Variants in BCKDHB observed in about 807,000 individuals in gnomAD.
BCKDHB encodes the protein branched chain keto acid dehydrogenase E1 subunit beta, also known as 2-oxoisovalerate dehydrogenase subunit beta, mitochondrial.
A neutral mutation model predicts 48.5 loss-of-function variants in BCKDHB; 41 were observed. The observed-to-expected ratio is 0.85, with a 90% CI of 0.66 to 1.10. The LOEUF is 1.10. Among genes scored for constraint, BCKDHB ranks in the 50% least tolerant of loss-of-function variants. The pLI is 0.00. For synonymous variants in BCKDHB, 201 were observed against 174.8 expected, an observed-to-expected ratio of 1.15 and a Z score of -1.18; for missense variants, 496 against 494.2, an observed-to-expected ratio of 1.00 and a Z score of -0.03.
chr6:80,370,816 ATATG>A, the BCKDHB span, among the ~76,000 whole-genome samples: 56 of 125,480 alleles, frequency 4.5e-4, no homozygotes, highest in African/African-American at 1.4e-3. Context: ...GTGTATATAT[ATATG>A]TGTGTGTGTG....
intron 9 of BCKDHB, among the ~76,000 whole-genome samples, chr6:80,313,492 C>G (rs1422240856): frequency 6.6e-6 from 1 of 152,118 alleles, no homozygotes; most frequent in African/African-American, 2.4e-5. Context: ...TCCCGAGTAG[C>G]TGGGATTACA....
intron 1 of BCKDHB, among the ~76,000 whole-genome samples, chr6:80,126,584 G>A (rs894908581): frequency 6.6e-6 from 1 of 152,128 alleles, no homozygotes; most frequent in South Asian, 2.1e-4. Flanking sequence ...GGGTTAAGGC[G>A]ACTACCAGCG....
At chr6:80,419,116 T>C in the BCKDHB span, among the ~76,000 whole-genome samples, 4 of 152,004 alleles carry the variant, frequency 2.6e-5, no homozygotes, top group East Asian at 1.9e-4. Flanking sequence ...TGGAGATCAT[T>C]TGGGGGAGGT....
chr6:80,361,892 A>T, the BCKDHB span, among the ~76,000 whole-genome samples: 2 of 152,214 alleles, frequency 1.3e-5, no homozygotes, highest in Admixed American at 6.5e-5. Flanking sequence ...GAGAAAGAAC[A>T]CGCATGGGAG....
At chr6:80,392,453 CTT>C in the BCKDHB span, among the ~76,000 whole-genome samples, 2 of 151,582 alleles carry the variant, frequency 1.3e-5, no homozygotes, top group Non-Finnish European at 2.9e-5. Flanking sequence ...TATTTTTTCT[CTT>C]ATTATTTTCA....
At chr6:80,463,525 A>G in the BCKDHB span, among the ~76,000 whole-genome samples, 13 of 152,200 alleles carry the variant, frequency 8.5e-5, no homozygotes, top group African/African-American at 3.1e-4. Context: ...TTTAAAAGAT[A>G]GAGAAATGCC....
chr6:80,176,250 A>C (rs1369201362), intron 6 of BCKDHB, among the ~76,000 whole-genome samples: 1 of 152,170 alleles, frequency 6.6e-6, no homozygotes, highest in African/African-American at 2.4e-5. Context: ...GAGGAATAGT[A>C]GATTAGATAA....
intron 9 of BCKDHB, chr6:80,307,499 A>G: frequency 1.0e-6 from 1 of 985,066 alleles, no homozygotes; most frequent in East Asian, 1.1e-4. Context: ...TACCCCCATG[A>G]AAGAACCTCT....
At chr6:80,451,906 C>T in the BCKDHB span, among the ~76,000 whole-genome samples, 1 of 152,110 alleles carries the variant, frequency 6.6e-6, no homozygotes, top group Admixed American at 6.6e-5. Flanking sequence ...TATGCCATTC[C>T]AGTCAAAGCC....
intron 1 of BCKDHB, among the ~76,000 whole-genome samples, chr6:80,110,754 C>A (rs1769369393): frequency 6.6e-6 from 1 of 152,156 alleles, no homozygotes; most frequent in African/African-American, 2.4e-5. Context: ...TCTTAAGAGC[C>A]CAGGGGTAAG....
At chr6:80,162,314 A>T (rs146649757) in intron 3 of BCKDHB, among the ~76,000 whole-genome samples, 1 of 152,192 alleles carries the variant, frequency 6.6e-6, no homozygotes, top group Non-Finnish European at 1.5e-5. Context: ...TTATCACTGC[A>T]TATATCCATG....
chr6:80,114,369 T>C lies in BCKDHB; in HGVS notation c.196+7480T>C, dbSNP rs956020277. Among the ~76,000 whole-genome samples, 15 of 151,926 alleles carry C rather than the reference T, an allele frequency of 9.9e-5. No individual in the cohort carries two copies. In the East Asian group the frequency reaches 2.1e-3, roughly 22 times the overall value. On this transcript the variant is annotated intron_variant, in intron 1 of 9. Transcript: ENST00000320393. Reference sequence around the variant, plus strand: ...GCTCAGGTGATCCTCATACTCAGCCTCCAGGGTAGCTGGGACTACAGGCAT... The same window carrying C: ...GCTCAGGTGATCCTCATACTCAGCCCCCAGGGTAGCTGGGACTACAGGCAT...
the BCKDHB span, among the ~76,000 whole-genome samples, chr6:80,363,073 G>T: frequency 2.6e-5 from 4 of 152,076 alleles, no homozygotes; most frequent in Non-Finnish European, 5.9e-5. Flanking sequence ...TTCAGTGCAA[G>T]CTTACCCACA....
chr6:80,143,529 A>G (rs1374733830), intron 3 of BCKDHB, among the ~76,000 whole-genome samples: 1 of 152,184 alleles, frequency 6.6e-6, no homozygotes, highest in African/African-American at 2.4e-5. Flanking sequence ...TGCAAAAGTC[A>G]TAGAGAATTA....
chr6:80,422,890 T>A, the BCKDHB span, among the ~76,000 whole-genome samples: 1 of 152,190 alleles, frequency 6.6e-6, no homozygotes, highest in Non-Finnish European at 1.5e-5. Context: ...GACTTTGGAC[T>A]TCAACATTTG....
chr6:80,145,020 G>A (rs545178916), intron 3 of BCKDHB, among the ~76,000 whole-genome samples: 51 of 152,268 alleles, frequency 3.3e-4, no homozygotes, highest in Admixed American at 1.8e-3. Context: ...AGAGTTGTAC[G>A]TAGTTACATA....
At chr6:80,234,799 G>A (rs1776078174) in intron 8 of BCKDHB, among the ~76,000 whole-genome samples, 1 of 150,104 alleles carries the variant, frequency 6.7e-6, no homozygotes, top group African/African-American at 2.5e-5. Flanking sequence ...GGGCTCATCA[G>A]TGGATGAATG....
chr6:80,139,938 A>G (rs1294084331), intron 3 of BCKDHB, among the ~76,000 whole-genome samples: 2 of 152,208 alleles, frequency 1.3e-5, no homozygotes, highest in Admixed American at 1.3e-4. Flanking sequence ...ATCCATGAGC[A>G]TGAAATGTTC....
rs191401573 is a variant in BCKDHB, at chr6:80,171,444, T to G, written c.742+54T>G. On this transcript the variant is annotated intron_variant, in intron 6 of 9. Transcript: ENST00000320393. ...GAATATCTTTATATACTTTGTTTTT[T>G]ATAGCTCTAAAAGTTATATCTTTTT... 448 of 1,045,030 alleles carry G rather than the reference T, an allele frequency of 4.3e-4. 3 individuals carry two copies. In the African/African-American group the frequency reaches 5.7e-3, roughly 13 times the overall value. 64.7% of individuals were successfully genotyped at this position (1,045,030 alleles called of 1,614,324 possible). A position where few individuals can be genotyped will look rare whatever the true frequency, so the allele number is the denominator to read the frequency against.
Sources: allele counts gnomAD v4.1 joint callset (sites outside exome capture counted in the v4.1 genomes callset), GRCh38; gene constraint gnomAD v4.1.1; transcripts MANE v1.5; gene names NCBI Gene and HGNC (gene_info 2026-07-23, HGNC 2026-07-21).